The following OXNAD1 variants were observed in gnomAD, a reference collection of about 807,000 sequenced individuals.
The protein encoded by OXNAD1 is oxidoreductase NAD-binding domain-containing protein 1.
A neutral mutation model predicts 32.9 loss-of-function variants in OXNAD1; 34 were observed. The observed-to-expected ratio is 1.03, with a 90% CI of 0.79 to 1.38. The LOEUF (loss-of-function observed/expected upper bound fraction) is 1.38. Ranked by LOEUF, OXNAD1 falls within the 40% of genes most tolerant of loss-of-function variation. The pLI is 0.00. For missense variants in OXNAD1, 407 were observed against 379.4 expected, an observed-to-expected ratio of 1.07 and a Z score of -0.60; for synonymous variants, 134 against 135.2, an observed-to-expected ratio of 0.99 and a Z score of 0.06.
At position 16,268,313 on chromosome 3, in the gene OXNAD1, C is replaced by CTTTTTTTT. The variant is rs531751365; in HGVS notation, c.-158-787_-158-780dup. 6.9e-4 allele frequency among the ~76,000 whole-genome samples: 42 copies of CTTTTTTTT among 61,008 alleles called. 1 individual carries two copies. The highest frequency in any genetic ancestry group is 8.2e-4 in the Non-Finnish European group (25 of 30,416). 40.0% of individuals were successfully genotyped at this position (61,008 alleles called of 152,430 possible). A position where few individuals can be genotyped will look rare whatever the true frequency, so the allele number is the denominator to read the frequency against. ...AATCTTAGGATTTTAAAGAGAACTCCTTTTTTTTTTTTTTTTTTTTTTTTT... is the reference window on the plus strand; with the variant it reads ...AATCTTAGGATTTTAAAGAGAACTCCTTTTTTTTTTTTTTTTTTTTTTTTTTTTTTTTT... On this transcript the variant is annotated intron_variant, in intron 1 of 8. Transcript: ENST00000285083.
At chr3:16,306,444 C>T (rs1286998631), downstream of OXNAD1, among the ~76,000 whole-genome samples, 1 of 152,184 alleles carries the variant, frequency 6.6e-6, no homozygotes, top group African/African-American at 2.4e-5. Context: ...CATCATCATA[C>T]CTAACACAAG....
rs1055639759 is a variant in OXNAD1, at chr3:16,316,084, C to T, written c.*30+12492C>T. The T allele has an allele frequency of 3.3e-5, 5 of 152,904 alleles. No individual in the cohort carries two copies. Among genetic ancestry groups the T allele is most frequent in the African/African-American group, 1.2e-4 (5 of 41,574 alleles). 9.5% of individuals were successfully genotyped at this position (152,904 alleles called of 1,614,324 possible). A position where few individuals can be genotyped will look rare whatever the true frequency, so the allele number is the denominator to read the frequency against. ...ACATAACAAGGGCGCCAGCCAGTCC[C>T]GATGCCCTGAAGTGACAGAAGTAAT... On this transcript the variant is annotated intron_variant, in intron 9 of 9. Transcript: ENST00000435829. This position sits in a 1 kb window ranked among gnomAD's most constrained non-coding sequence, Gnocchi z 4.5.
rs1391952229 is a variant in OXNAD1 at position 16,327,910 on chromosome 3, C to CA, written c.*31-9199dup. On this transcript the variant is annotated intron_variant, in intron 9 of 9. Transcript: ENST00000435829. The surrounding 1 kb of genome is among the most constrained non-coding windows in gnomAD (Gnocchi z 4.2). Reference sequence around the variant, plus strand: ...TTACTACGGGTTCCTCACTAACACTCAAAGTGTAGCCCCCACCCCTGCTCT... The same window carrying CA: ...TTACTACGGGTTCCTCACTAACACTCAAAAGTGTAGCCCCCACCCCTGCTCT... Among the ~76,000 whole-genome samples the CA allele has an allele frequency of 6.6e-6, 1 of 151,888 alleles. No homozygotes were observed. Among genetic ancestry groups the CA allele is most frequent in the Non-Finnish European group, 1.5e-5 (1 of 67,862 alleles).
chr3:16,283,090 C>CA (rs1175198245), intron 4 of OXNAD1, among the ~76,000 whole-genome samples: 1 of 151,998 alleles, frequency 6.6e-6, no homozygotes, highest in African/African-American at 2.4e-5. Context: ...CAGAAAGAGT[C>CA]AAAGTTTATG....
In OXNAD1 at chr3:16,288,745, C is replaced by T. The variant is rs2066236375; in HGVS notation, c.290+2297C>T. On this transcript the variant is annotated intron_variant, in intron 5 of 8. Coordinates refer to ENST00000285083, the MANE Select transcript of OXNAD1 (RefSeq NM_138381.5). The surrounding 1 kb of genome is among the most constrained non-coding windows in gnomAD (Gnocchi z 5.1). ...TTCTTGGTTCATCTTACTAGTAGGCCTACCACTTGCTAGCTCCTTGGTGAG... is the reference window on the plus strand; with the variant it reads ...TTCTTGGTTCATCTTACTAGTAGGCTTACCACTTGCTAGCTCCTTGGTGAG... Among the ~76,000 whole-genome samples, 1 of 152,200 alleles carries T rather than the reference C, an allele frequency of 6.6e-6. No homozygotes were observed. Among genetic ancestry groups the T allele is most frequent in the African/African-American group, 2.4e-5 (1 of 41,452 alleles).
chr3:16,283,273 A>G (rs2065873236), intron 4 of OXNAD1, among the ~76,000 whole-genome samples: 2 of 152,134 alleles, frequency 1.3e-5, no homozygotes, highest in Admixed American at 6.5e-5. Flanking sequence ...ATGCTCAATA[A>G]GTGTTCGTGG....
At chr3:16,330,374 C>G (rs1208718186) in intron 9 of OXNAD1, among the ~76,000 whole-genome samples, 1 of 152,182 alleles carries the variant, frequency 6.6e-6, no homozygotes, top group Admixed American at 6.5e-5. Context: ...GATGGCATTT[C>G]TAAAATACAA....
At chr3:16,311,515 T>C (rs1436116889) in intron 9 of OXNAD1, among the ~76,000 whole-genome samples, 1 of 152,226 alleles carries the variant, frequency 6.6e-6, no homozygotes, top group Non-Finnish European at 1.5e-5. Context: ...AACTAATCCA[T>C]GCAAGAGGTT....
At chr3:16,295,032 G>C (rs1193148329) in intron 6 of OXNAD1, 35 bp downstream of exon 6, 1 of 1,557,152 alleles carries the variant, frequency 6.4e-7, no homozygotes, top group African/African-American at 1.4e-5. Flanking sequence ...CGATGATCTG[G>C]GTATCTCTGC....
At chr3:16,324,067 C>T (rs1361574285) in intron 9 of OXNAD1, among the ~76,000 whole-genome samples, 1 of 152,180 alleles carries the variant, frequency 6.6e-6, no homozygotes, top group African/African-American at 2.4e-5. Context: ...CCTGGAGCTG[C>T]CTCTAAAGAT....
chr3:16,307,798 C>T (rs1040502362), downstream of OXNAD1, among the ~76,000 whole-genome samples: 1 of 151,882 alleles, frequency 6.6e-6, no homozygotes, highest in Non-Finnish European at 1.5e-5. Flanking sequence ...CAGGGTTCCT[C>T]TATATCCTTC....
chr3:16,276,899 C>G (rs1445094015), intron 4 of OXNAD1, among the ~76,000 whole-genome samples: 1 of 150,638 alleles, frequency 6.6e-6, no homozygotes, highest in Non-Finnish European at 1.5e-5. Context: ...CATCTCTTCT[C>G]CTCTTCTGTT....
chr3:16,316,022 G>T lies in OXNAD1; in HGVS notation c.*30+12430G>T, dbSNP rs2068353239. ...CACATGATAAACACAGCATACATGG[G>T]TAACAACTTGACCAATGTTACACTG... is the stretch of plus-strand genomic sequence containing the variant. On this transcript the variant is annotated intron_variant, in intron 9 of 9. Coordinates refer to the OXNAD1 transcript ENST00000435829. The surrounding 1 kb of genome is among the most constrained non-coding windows in gnomAD (Gnocchi z 4.5). 1 of 152,388 alleles carries T rather than the reference G, an allele frequency of 6.6e-6. No homozygotes were observed. Among genetic ancestry groups the T allele is most frequent in the Non-Finnish European group, 1.5e-5 (1 of 68,052 alleles). 9.4% of individuals were successfully genotyped at this position (152,388 alleles called of 1,614,324 possible). A position where few individuals can be genotyped will look rare whatever the true frequency, so the allele number is the denominator to read the frequency against.
downstream of OXNAD1, among the ~76,000 whole-genome samples, chr3:16,350,788 G>A (rs1362794066): frequency 1.3e-5 from 2 of 152,202 alleles, no homozygotes; most frequent in African/African-American, 4.8e-5. Flanking sequence ...GAAAAAGGCA[G>A]AGAACTGCTG....
In OXNAD1 at chr3:16,321,517, C is replaced by T. The variant is rs182037227; in HGVS notation, c.*31-15595C>T. ...CAGGCCTGTGGGAGTAGGACGCTGACCCTTGTCAGCTGAGGAGTGAGGAGG... is the reference window on the plus strand; with the variant it reads ...CAGGCCTGTGGGAGTAGGACGCTGATCCTTGTCAGCTGAGGAGTGAGGAGG... On this transcript the variant is annotated intron_variant, in intron 9 of 9. Transcript: ENST00000435829. This position sits in a 1 kb window ranked among gnomAD's most constrained non-coding sequence, Gnocchi z 4.8. 1.6e-4 allele frequency among the ~76,000 whole-genome samples: 24 copies of T among 152,224 alleles called. No individual in the cohort carries two copies. Among genetic ancestry groups the T allele is most frequent in the Admixed American group, 1.1e-3 (17 of 15,300 alleles).
intron 9 of OXNAD1, among the ~76,000 whole-genome samples, chr3:16,331,136 G>C (rs375512247): frequency 6.6e-6 from 1 of 152,176 alleles, no homozygotes; most frequent in Non-Finnish European, 1.5e-5. Flanking sequence ...CTCTATTCCT[G>C]ACATCCACAG....
chr3:16,310,991 C>CAAAAAAAA (rs1003070321), downstream of OXNAD1, among the ~76,000 whole-genome samples: 78 of 57,518 alleles, frequency 1.4e-3, no homozygotes, highest in African/African-American at 6.5e-3. Context: ...ACTCAGTCTC[C>CAAAAAAAA]AAAAAAAAAA....
chr3:16,322,195 G>T lies in OXNAD1; in HGVS notation c.*31-14917G>T, dbSNP rs1262568527. Among the ~76,000 whole-genome samples, 1 of 152,200 alleles carries T rather than the reference G, an allele frequency of 6.6e-6. No individual in the cohort carries two copies. Among genetic ancestry groups the T allele is most frequent in the Non-Finnish European group, 1.5e-5 (1 of 68,048 alleles). On this transcript the variant is annotated intron_variant, in intron 9 of 9. Transcript: ENST00000435829. This position sits in a 1 kb window ranked among gnomAD's most constrained non-coding sequence, Gnocchi z 6.2. ...GCTCCTGGTGGTTGATGGTGGGCTGGCAGTTCCCTTCTGGTCCATTGTGCC... is the reference window on the plus strand; with the variant it reads ...GCTCCTGGTGGTTGATGGTGGGCTGTCAGTTCCCTTCTGGTCCATTGTGCC...
At chr3:16,324,580 C>G (rs1296245986) in intron 9 of OXNAD1, among the ~76,000 whole-genome samples, 2 of 149,094 alleles carry the variant, frequency 1.3e-5, no homozygotes, top group African/African-American at 5.0e-5. Context: ...GTCTTCCAGG[C>G]TCATCCTTGT....
Sources: allele counts gnomAD v4.1 joint callset (sites outside exome capture counted in the v4.1 genomes callset), GRCh38; gene constraint gnomAD v4.1.1; non-coding constraint Gnocchi (gnomAD v3.1); transcripts MANE v1.5; gene names NCBI Gene and HGNC (gene_info 2026-07-23, HGNC 2026-07-21).